The following ZMYM6 variants were observed in gnomAD, a reference collection of about 807,000 sequenced individuals.
The protein encoded by ZMYM6 is zinc finger MYM-type containing 6.
Under a neutral mutation model 134.0 loss-of-function variants are expected in ZMYM6, and 90 were observed. The ratio of observed to expected loss-of-function variants is 0.67; its 90% CI spans 0.57 to 0.80. The LOEUF (loss-of-function observed/expected upper bound fraction) is 0.80, where lower values mean the gene tolerates loss of function less well. ZMYM6 is among the 30% of genes least tolerant of loss of function. The pLI is 0.00. For missense variants in ZMYM6, 1,362 were observed against 1,533.9 expected (o/e 0.89, Z 1.87); for synonymous variants, 481 against 524.1 (o/e 0.92, Z 1.12).
rs572740210 is a variant in ZMYM6, at chr1:35,007,852, A to C, written c.1666-754T>G. 4.9e-4 allele frequency among the ~76,000 whole-genome samples: 74 copies of C among 152,188 alleles called. 1 individual carries two copies. The South Asian group carries it at 0.014, about 29-fold the overall frequency. ...GGGGGTGGGCAGGTGGGATGGGGGAAGAAAAGATACACAATGAAAAAAGTA... is the reference window on the plus strand; with the variant it reads ...GGGGGTGGGCAGGTGGGATGGGGGACGAAAAGATACACAATGAAAAAAGTA... On this transcript the variant is annotated intron_variant, in intron 11 of 15. Coordinates refer to ENST00000357182, the MANE Select transcript of ZMYM6 (RefSeq NM_007167.4).
At chr1:35,025,416 G>A (rs1425363834) in intron 2 of ZMYM6, among the ~76,000 whole-genome samples, 5 of 137,916 alleles carry the variant, frequency 3.6e-5, no homozygotes, top group South Asian at 2.3e-4. Context: ...GCAGTGAACC[G>A]AGATGGCGCC....
intron 2 of ZMYM6, chr1:35,030,247 T>C (rs1267359326): frequency 4.3e-6 from 1 of 231,590 alleles, no homozygotes; most frequent in East Asian, 1.1e-4. Flanking sequence ...CTGGGAAACA[T>C]GGCCAAACCC....
intron 14 of ZMYM6, among the ~76,000 whole-genome samples, chr1:34,992,999 C>T (rs1640712052): frequency 6.7e-6 from 1 of 149,862 alleles, no homozygotes; most frequent in South Asian, 2.1e-4. Flanking sequence ...GATCCAACCT[C>T]AGACCATACA....
chr1:34,989,033 T>C (rs1262127093), intron 15 of ZMYM6, 98 bp from the exon 16 acceptor site: 8 of 1,511,320 alleles, frequency 5.3e-6, no homozygotes, highest in Non-Finnish European at 7.0e-6. Context: ...TTTGTTACTA[T>C]TTCTATTTAT....
At chr1:34,998,996 C>T (rs1053401913) in intron 14 of ZMYM6, among the ~76,000 whole-genome samples, 6 of 152,056 alleles carry the variant, frequency 3.9e-5, no homozygotes, top group African/African-American at 1.2e-4. Context: ...AGTGGCATGC[C>T]GCTGTGGTCC....
intron 4 of ZMYM6, 104 bp from the exon 5 acceptor site, chr1:35,015,266 G>A: frequency 9.0e-7 from 1 of 1,109,852 alleles, no homozygotes; most frequent in Non-Finnish European, 1.3e-6. Context: ...GGTACTGTAT[G>A]GTAGAAAAAG....
intron 2 of ZMYM6, among the ~76,000 whole-genome samples, chr1:35,022,823 C>G (rs534567670): frequency 7.9e-5 from 12 of 152,164 alleles, no homozygotes; most frequent in Admixed American, 6.5e-5. Flanking sequence ...ATGGACAATA[C>G]CTGTTTTTCT....
chr1:34,994,096 T>C (rs1640734084), intron 14 of ZMYM6, among the ~76,000 whole-genome samples: 1 of 152,182 alleles, frequency 6.6e-6, no homozygotes, highest in South Asian at 2.1e-4. Flanking sequence ...TTAAAACATG[T>C]GTATTCACTC....
chr1:35,021,814 C>G (rs1325724435), intron 2 of ZMYM6, among the ~76,000 whole-genome samples: 2 of 151,980 alleles, frequency 1.3e-5, no homozygotes, highest in Non-Finnish European at 2.9e-5. Context: ...TTCTTTAAAA[C>G]GTTTTAAAAC....
Position 35,011,941 on chromosome 1 carries a change from T to A in ZMYM6, c.1011A>T (p.Ser337=). ...TGCAGAAGCTGTATATAGTTCCATT[T>A]GACATGGCTAGGTGATACTGAGGGA... is the stretch of plus-strand genomic sequence containing the variant. ...SAIPQYHLAM[S]NGTIYSFCSS... The change falls in exon 8 of 16, where the codon TCA becomes TCT. Residue 337 remains serine (S), a synonymous_variant. Transcript: ENST00000357182. The A allele has an allele frequency of 6.2e-7, 1 of 1,611,520 alleles. No homozygotes were observed. Among genetic ancestry groups the A allele is most frequent in the Non-Finnish European group, 8.5e-7 (1 of 1,178,434 alleles).
chr1:34,986,736 T>C lies in ZMYM6; in HGVS notation c.*368A>G, dbSNP rs1199896003. 6.5e-6 allele frequency: 1 copy of C among 155,006 alleles called. No homozygotes were observed. Among genetic ancestry groups the C allele is most frequent in the Non-Finnish European group, 1.4e-5 (1 of 70,112 alleles). The allele number at this position is 155,006 out of a possible 1,614,324, so 9.6% of individuals were successfully genotyped here. The stretch of plus-strand genomic sequence containing the variant: ...AAAAAAAAGATCTATCTTTTCCACC[T>C]ACTCACAACCTTGCAGGGGTAAGTA... On this transcript the variant is annotated 3_prime_UTR_variant, in exon 16 of 16. Transcript: ENST00000357182.
intron 12 of ZMYM6, 30 bp from the exon 13 acceptor site, chr1:35,005,302 A>G: frequency 6.2e-7 from 1 of 1,608,402 alleles, no homozygotes; most frequent in Non-Finnish European, 8.5e-7. Flanking sequence ...AAGATCTGGA[A>G]TAAGCAAAAG....
Position 35,010,576 on chromosome 1 carries a change from C to A in ZMYM6, c.1363G>T (p.Gly455Cys), listed in dbSNP as rs1180175389. Residue 455 changes from glycine (G) to cysteine (C), a missense_variant, in exon 10 of 16, where the codon GGC (glycine) becomes TGC (cysteine). Gly to Cys is a radical substitution (Grantham distance 159). Around this residue, in one of 3 missense-constraint regions of ZMYM6, gnomAD observed 35 missense variants for 72.2 expected, o/e 0.48. Coordinates refer to ENST00000357182, the MANE Select transcript of ZMYM6 (RefSeq NM_007167.4). ...FYKGKMFLFC[G>C]KNCSDEYKKK... The stretch of plus-strand genomic sequence containing the variant: ...TTGTATTCATCAGAGCAATTCTTGC[C>A]ACAAAACAGAAACATTTTACCCTGC... 1 of 1,612,184 alleles carries A rather than the reference C, an allele frequency of 6.2e-7. No homozygotes were observed. Among genetic ancestry groups the A allele is most frequent in the South Asian group, 1.1e-5 (1 of 90,582 alleles).
intron 2 of ZMYM6, among the ~76,000 whole-genome samples, chr1:35,025,383 C>T (rs1187986437): frequency 7.0e-6 from 1 of 143,496 alleles, no homozygotes; most frequent in East Asian, 2.2e-4. Flanking sequence ...AGGAGAACTG[C>T]GTGAACCCAG....
chr1:34,990,809 T>C (rs1430396303), intron 15 of ZMYM6, among the ~76,000 whole-genome samples: 1 of 152,162 alleles, frequency 6.6e-6, no homozygotes, highest in Non-Finnish European at 1.5e-5. Flanking sequence ...TGTGGAATAA[T>C]GTTTCCAATG....
intron 14 of ZMYM6, among the ~76,000 whole-genome samples, chr1:34,992,874 A>G (rs1041230592): frequency 2.0e-5 from 3 of 146,558 alleles, no homozygotes; most frequent in Admixed American, 2.0e-4. Flanking sequence ...ATATTTATAA[A>G]CTATAAATAT....
At chr1:35,012,609 C>T in intron 6 of ZMYM6, 28 bp from the exon 7 acceptor site, 1 of 1,609,042 alleles carries the variant, frequency 6.2e-7, no homozygotes, top group African/African-American at 1.3e-5. Context: ...CATTAGATAC[C>T]TAGTACAAAC....
chr1:35,026,363 CA>C (rs1351302911), intron 2 of ZMYM6, among the ~76,000 whole-genome samples: 6 of 152,096 alleles, frequency 3.9e-5, no homozygotes, highest in African/African-American at 1.4e-4. Flanking sequence ...CTTAGAAAAT[CA>C]GAAAATAAAA....
intron 15 of ZMYM6, among the ~76,000 whole-genome samples, chr1:34,991,649 A>G (rs904398443): frequency 3.9e-5 from 6 of 152,208 alleles, no homozygotes; most frequent in African/African-American, 1.4e-4. Context: ...AGGCACCTGT[A>G]ATCCCAGCTG....
Sources: gnomAD v4.1 joint callset for allele counts (sites outside exome capture counted in the v4.1 genomes callset) on GRCh38, gnomAD v4.1.1 for gene constraint, gnomAD v4.1.1 regional missense constraint, MANE v1.5 for transcripts, NCBI Gene and HGNC (gene_info 2026-07-23, HGNC 2026-07-21) for gene names.